The following FXR1 variants were observed in gnomAD, a reference collection of about 807,000 sequenced individuals.
The protein encoded by FXR1 is RNA-binding protein FXR1.
In FXR1, 15 loss-of-function variants were observed where a neutral mutation model predicts 84.0. The observed-to-expected ratio is 0.18, with a 90% CI of 0.12 to 0.27. FXR1 has a LOEUF of 0.27. Among genes scored for constraint, FXR1 ranks in the 10% least tolerant of loss-of-function variants. The pLI is 1.00. For missense variants in FXR1, 480 were observed against 774.4 expected, an observed-to-expected ratio of 0.62 and a Z score of 4.51; for synonymous variants, 245 against 250.7, an observed-to-expected ratio of 0.98 and a Z score of 0.21.
intron 1 of FXR1, among the ~76,000 whole-genome samples, chr3:180,921,127 T>C (rs946320278): frequency 3.3e-5 from 5 of 152,064 alleles, no homozygotes; most frequent in African/African-American, 1.2e-4. Flanking sequence ...CCCAGCACTT[T>C]GGGAGGCTGA....
intron 15 of FXR1, among the ~76,000 whole-genome samples, chr3:180,972,729 A>G (rs1184558497): frequency 6.6e-6 from 1 of 152,170 alleles, no homozygotes; most frequent in Non-Finnish European, 1.5e-5. Flanking sequence ...CAGTTTGACA[A>G]TGATTTCTGT....
chr3:180,965,375 AC>A (rs1712690730), intron 13 of FXR1, among the ~76,000 whole-genome samples: 1 of 152,234 alleles, frequency 6.6e-6, no homozygotes, highest in South Asian at 2.1e-4. Context: ...CCTGTGTTTT[AC>A]AAAATTGAGA....
At chr3:180,974,558 G>T (rs1713986838) in intron 15 of FXR1, among the ~76,000 whole-genome samples, 1 of 152,122 alleles carries the variant, frequency 6.6e-6, no homozygotes, top group Non-Finnish European at 1.5e-5. Flanking sequence ...GTGTTAGGTT[G>T]GGTTTAGTCT....
intron 3 of FXR1, among the ~76,000 whole-genome samples, chr3:180,944,635 CTT>C (rs538256977): frequency 1.2e-3 from 189 of 152,168 alleles, no homozygotes; most frequent in African/African-American, 4.3e-3. Flanking sequence ...CATTATTAGA[CTT>C]TTTTAAAGGC....
chr3:180,953,590 T>A (rs1362996014), intron 8 of FXR1, among the ~76,000 whole-genome samples, 172 bp from the exon 9 acceptor site: 1 of 152,228 alleles, frequency 6.6e-6, no homozygotes, highest in Non-Finnish European at 1.5e-5. Flanking sequence ...GATTTTTTTT[T>A]AAGTACTTTG....
intron 3 of FXR1, among the ~76,000 whole-genome samples, chr3:180,937,826 T>C (rs943437006): frequency 6.6e-6 from 1 of 152,112 alleles, no homozygotes; most frequent in African/African-American, 2.4e-5. Context: ...ATGTAAAAAA[T>C]GAAATGGTAA....
At chr3:180,956,379 C>T (rs1722739260) in intron 9 of FXR1, among the ~76,000 whole-genome samples, 2 of 152,126 alleles carry the variant, frequency 1.3e-5, no homozygotes, top group South Asian at 4.1e-4. Context: ...TGGAAATGAT[C>T]ATTTAAAATA....
At chr3:180,928,642 G>GAGGAC (rs1719517684) in intron 1 of FXR1, among the ~76,000 whole-genome samples, 1 of 152,088 alleles carries the variant, frequency 6.6e-6, no homozygotes, top group East Asian at 1.9e-4. Flanking sequence ...GTCTGTTGTT[G>GAGGAC]AGGACACTTG....
chr3:180,931,040 AAAAAAAAG>A (rs1719835234), intron 1 of FXR1, among the ~76,000 whole-genome samples: 1 of 146,618 alleles, frequency 6.8e-6, no homozygotes, highest in African/African-American at 2.7e-5. Flanking sequence ...AAAAAAAAAA[AAAAAAAAG>A]ACGTGAATGT....
chr3:180,912,730 C>T lies in FXR1; in HGVS notation c.45C>T (p.Phe15=). ...TVEVRGSNGA[F]YKGFIKDVHE... is the part of the protein sequence containing the mutation. Reference sequence around the variant, plus strand: ...AGGTTCGCGGCTCTAACGGGGCTTTCTACAAGGTACTGACCGTTTTGCCAC... The same window carrying T: ...AGGTTCGCGGCTCTAACGGGGCTTTTTACAAGGTACTGACCGTTTTGCCAC... Residue 15 remains phenylalanine, a synonymous_variant, in exon 1 of 17, where the codon TTC becomes TTT. Coordinates refer to ENST00000357559, the MANE Select transcript of FXR1 (RefSeq NM_005087.4). The T allele has an allele frequency of 6.2e-7, 1 of 1,614,040 alleles. No homozygotes were observed.
At chr3:180,941,403 AG>A (rs1490320891) in intron 3 of FXR1, among the ~76,000 whole-genome samples, 6 of 151,962 alleles carry the variant, frequency 3.9e-5, no homozygotes, top group African/African-American at 1.5e-4. Flanking sequence ...ATGGTGCCCA[AG>A]CGAGTCTTGA....
At chr3:180,933,248 C>G in intron 1 of FXR1, 86 bp from the exon 2 acceptor site, 2 of 769,182 alleles carry the variant, frequency 2.6e-6, no homozygotes, top group Non-Finnish European at 4.5e-6. Context: ...TTTTAGTACT[C>G]CCTATTATCT....
At chr3:180,970,720 A>G (rs1713457839) in intron 15 of FXR1, 1 of 153,378 alleles carries the variant, frequency 6.5e-6, no homozygotes, top group Admixed American at 6.5e-5. Context: ...GACACTGGTA[A>G]AGGTACATAT....
chr3:180,942,377 CAAAAAAAAAAAAAA>C (rs765066164), intron 3 of FXR1, among the ~76,000 whole-genome samples: 7 of 31,128 alleles, frequency 2.2e-4, no homozygotes, highest in South Asian at 2.1e-3. Context: ...GACTCCGTCT[CAAAAAAAAAAAAAA>C]AAAAAAAAAA....
chr3:180,941,347 C>T (rs1052774661), intron 3 of FXR1, among the ~76,000 whole-genome samples: 1 of 151,936 alleles, frequency 6.6e-6, no homozygotes, highest in African/African-American at 2.4e-5. Context: ...CGTGTGCTAC[C>T]ATGCTGGGCT....
intron 10 of FXR1, among the ~76,000 whole-genome samples, chr3:180,960,500 C>G (rs1289659747): frequency 6.6e-6 from 1 of 152,178 alleles, no homozygotes; most frequent in South Asian, 2.1e-4. Flanking sequence ...GATTCTTGCT[C>G]TCTTGTCCAG....
At chr3:180,929,168 G>A (rs1400154828) in intron 1 of FXR1, among the ~76,000 whole-genome samples, 1 of 152,128 alleles carries the variant, frequency 6.6e-6, no homozygotes, top group Non-Finnish European at 1.5e-5. Context: ...GCCTCCCAAA[G>A]TGCTGGGATT....
intron 15 of FXR1, chr3:180,971,209 CTA>C: frequency 1.8e-6 from 1 of 561,452 alleles, no homozygotes; most frequent in Non-Finnish European, 2.7e-6. Flanking sequence ...AAAAAAATGT[CTA>C]TGTCTGCTTT....
At chr3:180,915,434 G>T in intron 1 of FXR1, 1 of 1,001,782 alleles carries the variant, frequency 1.0e-6, no homozygotes, top group Admixed American at 2.1e-5. Flanking sequence ...ACACTATATT[G>T]TGTAGTGTTT....
Sources: allele counts gnomAD v4.1 joint callset (sites outside exome capture counted in the v4.1 genomes callset), GRCh38; gene constraint gnomAD v4.1.1; transcripts MANE v1.5; gene names NCBI Gene and HGNC (gene_info 2026-07-23, HGNC 2026-07-21).